Variants in RUFY2 observed in about 807,000 individuals in gnomAD.
RUFY2 encodes the protein RUN and FYVE domain-containing protein 2.
A neutral mutation model predicts 94.4 loss-of-function variants in RUFY2; 49 were observed. The observed-to-expected ratio is 0.52, with a 90% CI of 0.41 to 0.66. The LOEUF (loss-of-function observed/expected upper bound fraction) is 0.66. Among genes scored for constraint, RUFY2 ranks in the 30% least tolerant of loss-of-function variants. The probability of loss-of-function intolerance (pLI) is 0.00; values close to 1 mark genes in which losing one functional copy is unlikely to be tolerated. For missense variants in RUFY2, 541 were observed against 692.8 expected, an observed-to-expected ratio of 0.78 and a Z score of 2.46; for synonymous variants, 255 against 235.7, an observed-to-expected ratio of 1.08 and a Z score of -0.75.
chr10:68,371,492 T>C (rs2048277268), intron 13 of RUFY2, among the ~76,000 whole-genome samples: 1 of 150,338 alleles, frequency 6.7e-6, no homozygotes. Flanking sequence ...CCCAGGAGAC[T>C]GAGGCAGAAG....
chr10:68,404,789 C>T lies in RUFY2; in HGVS notation c.60G>A (p.Leu20=). 6.2e-7 allele frequency: 1 copy of T among 1,612,992 alleles called. No individual in the cohort carries two copies. Among genetic ancestry groups the T allele is most frequent in the Middle Eastern group, 1.6e-4 (1 of 6,062 alleles). ...CAGATTCAATGAGTCCTTTGATACTCAGTTTAGCCATGTTTAACAAGTTTG... is the reference window on the plus strand; with the variant it reads ...CAGATTCAATGAGTCCTTTGATACTTAGTTTAGCCATGTTTAACAAGTTTG... ...ERANLLNMAK[L]SIKGLIESAL... The change falls in exon 2 of 18, where the codon CTG becomes CTA. Residue 20 remains leucine (L), a synonymous_variant. Transcript: ENST00000602465.
intron 3 of RUFY2, among the ~76,000 whole-genome samples, chr10:68,399,188 C>T (rs2050629116): frequency 6.6e-6 from 1 of 152,028 alleles, no homozygotes. Flanking sequence ...GGACTATAGG[C>T]GTGCACCACC....
At position 68,344,130 on chromosome 10, in the gene RUFY2, G is replaced by A. The variant is rs562463568; in HGVS notation, c.*1638C>T. 32 of 152,278 alleles carry A rather than the reference G, an allele frequency of 2.1e-4. 1 individual carries two copies. The East Asian group carries it at 3.7e-3, about 17-fold the overall frequency. The allele number at this position is 152,278 out of a possible 1,614,324, so 9.4% of individuals were successfully genotyped here. ...TTCAAGAAAGACCATCTAGAAATCTGTGTCACATCTGACACCTCAAAAGCT... is the reference window on the plus strand; with the variant it reads ...TTCAAGAAAGACCATCTAGAAATCTATGTCACATCTGACACCTCAAAAGCT... On this transcript the variant is annotated 3_prime_UTR_variant, in exon 18 of 18. Coordinates refer to ENST00000602465, the MANE Select transcript of RUFY2 (RefSeq NM_001330103.2).
intron 10 of RUFY2, 115 bp from the exon 11 acceptor site, chr10:68,381,514 G>C (rs1589907354): frequency 2.1e-6 from 2 of 938,966 alleles, no homozygotes; most frequent in East Asian, 5.0e-5. Context: ...GTCCACTAAA[G>C]GGAATCAACC....
rs777938955 is a variant in RUFY2 at position 68,355,372 on chromosome 10, T to G, written c.1580A>C (p.Glu527Ala). 9 of 1,611,502 alleles carry G rather than the reference T, an allele frequency of 5.6e-6. No individual in the cohort carries two copies. The East Asian group carries it at 1.8e-4, about 32-fold the overall frequency. The stretch of plus-strand genomic sequence containing the variant: ...ACTCACCTGCAATGCTTTGTTGGCT[T>G]CTTTTATGTCTTCAATTTTAAGTTT... ...ESKLKIEDIK[E>A]ANKALQGLVW... Residue 527 changes from glutamate to alanine, a missense_variant, in exon 16 of 18, where the codon GAA (glutamate) becomes GCA (alanine). Coordinates refer to ENST00000602465, the MANE Select transcript of RUFY2 (RefSeq NM_001330103.2).
rs142707120 is a variant in RUFY2 at position 68,395,795 on chromosome 10, T to C, written c.398+985A>G. 5.8e-4 allele frequency among the ~76,000 whole-genome samples: 88 copies of C among 152,318 alleles called. 2 individuals are homozygous for C. The East Asian group carries it at 0.013, about 22-fold the overall frequency. On this transcript the variant is annotated intron_variant, in intron 4 of 17. Coordinates refer to ENST00000602465, the MANE Select transcript of RUFY2 (RefSeq NM_001330103.2). Reference sequence around the variant, plus strand: ...TGAGAAGCCATGGGTGCTTAACATATGGTCATTCTCGTTTAACAACTGGGA... The same window carrying C: ...TGAGAAGCCATGGGTGCTTAACATACGGTCATTCTCGTTTAACAACTGGGA...
chr10:68,344,361 A>G lies in RUFY2; in HGVS notation c.*1407T>C, dbSNP rs563902909. On this transcript the variant is annotated 3_prime_UTR_variant, in exon 18 of 18. Transcript: ENST00000602465. ...AATGCTCTTAATCCATAAATTTTCT[A>G]TGTATTTTTTATAGGCTCACAAACT... 3 of 152,190 alleles carry G rather than the reference A, an allele frequency of 2.0e-5. No individual in the cohort carries two copies. Among genetic ancestry groups the G allele is most frequent in the African/African-American group, 4.8e-5 (2 of 41,438 alleles). The allele number at this position is 152,190 out of a possible 1,614,324, so 9.4% of individuals were successfully genotyped here.
rs1157128504 is a variant in RUFY2 at position 68,364,065 on chromosome 10, A to G, written c.1374T>C (p.Thr458=). Residue 458 remains threonine (T), a synonymous_variant, in exon 14 of 18, where the codon ACT becomes ACC. Transcript: ENST00000602465. The part of the protein sequence containing the change: ...DLKIEKEWRQ[T]LQEDLQKEKD... ...TCTCCTTTTGAAGATCTTCCTGCAA[A>G]GTCTGCCTCCATTCCTTCTCAATCT... 4 of 1,613,410 alleles carry G rather than the reference A, an allele frequency of 2.5e-6. No homozygotes were observed. The highest frequency in any genetic ancestry group is 2.5e-6 in the Non-Finnish European group (3 of 1,179,580).
intron 6 of RUFY2, chr10:68,393,846 C>T (rs1054789072): frequency 1.2e-6 from 1 of 815,022 alleles, no homozygotes; most frequent in Non-Finnish European, 1.7e-6. Context: ...TCAGTAACTA[C>T]AGGTATAACC....
chr10:68,383,716 G>A, intron 10 of RUFY2, 82 bp downstream of exon 10: 2 of 1,008,286 alleles, frequency 2.0e-6, no homozygotes, highest in Non-Finnish European at 3.1e-6. Flanking sequence ...GGATAAGGCT[G>A]AAAAAGATTT....
intron 13 of RUFY2, among the ~76,000 whole-genome samples, chr10:68,368,697 G>C (rs543735719): frequency 2.0e-4 from 31 of 152,104 alleles, no homozygotes; most frequent in Non-Finnish European, 3.8e-4. Flanking sequence ...AGAAAGTAAA[G>C]AGAAGAAGTT....
chr10:68,370,929 G>A (rs547872826), intron 13 of RUFY2, among the ~76,000 whole-genome samples: 5 of 151,846 alleles, frequency 3.3e-5, no homozygotes, highest in East Asian at 3.9e-4. Flanking sequence ...TCAAGAGATC[G>A]AGACCATCCT....
At position 68,384,060 on chromosome 10, in the gene RUFY2, C is replaced by T. The variant is rs1205910787; in HGVS notation, c.813G>A (p.Gln271=). 1 of 1,612,164 alleles carries T rather than the reference C, an allele frequency of 6.2e-7. No individual in the cohort carries two copies. Among genetic ancestry groups the T allele is most frequent in the Admixed American group, 1.7e-5 (1 of 59,878 alleles). Reference sequence around the variant, plus strand: ...AGCAGTCTATACTTACCTCTAGGTGCTGCTGTGTTTTCATTAAAATCAATT... The same window carrying T: ...AGCAGTCTATACTTACCTCTAGGTGTTGCTGTGTTTTCATTAAAATCAATT... ...ENKLILMKTQ[Q]HLEVTKVDVE... Residue 271 remains glutamine (Q), a synonymous_variant, in exon 9 of 18, where the codon CAG becomes CAA. Transcript: ENST00000602465.
intron 1 of RUFY2, chr10:68,406,757 G>C: frequency 4.3e-6 from 7 of 1,609,886 alleles, no homozygotes; most frequent in Non-Finnish European, 5.9e-6. Flanking sequence ...GGCTCACCCA[G>C]GCTCCTGCGC....
Position 68,407,268 on chromosome 10 carries a change from C to T in RUFY2, c.-79G>A, listed in dbSNP as rs1259900542. The T allele has an allele frequency of 8.2e-7, 1 of 1,219,148 alleles. No individual in the cohort carries two copies. The highest frequency in any genetic ancestry group is 1.6e-5 in the African/African-American group (1 of 63,006). The allele number at this position is 1,219,148 out of a possible 1,614,324, so 75.5% of individuals were successfully genotyped here. A position where few individuals can be genotyped will look rare whatever the true frequency, so the allele number is the denominator to read the frequency against. ...CTCCTTCCAGGCGCTCGGCGGCCAC[C>T]ACCGCATCTGCAGCCAGGCCCGCTG... On this transcript the variant is annotated 5_prime_UTR_variant, in exon 1 of 18. The change creates a premature stop within an existing upstream ORF in the 5' untranslated region. Coordinates refer to ENST00000602465, the MANE Select transcript of RUFY2 (RefSeq NM_001330103.2).
intron 2 of RUFY2, among the ~76,000 whole-genome samples, chr10:68,403,577 C>G (rs1191404669): frequency 6.6e-6 from 1 of 152,102 alleles, no homozygotes; most frequent in Non-Finnish European, 1.5e-5. Flanking sequence ...TGAATAAAAA[C>G]CATGTTTTGC....
At position 68,401,755 on chromosome 10, in the gene RUFY2, T is replaced by C. The variant is rs748198956; in HGVS notation, c.179-18A>G. ...TTTTCTTACTGAAAAAAAGAACACA[T>C]AATGCACACAATGTCAACATAAAAA... On this transcript the variant is annotated intron_variant, in intron 2 of 17. Coordinates refer to ENST00000602465, the MANE Select transcript of RUFY2 (RefSeq NM_001330103.2). The C allele has an allele frequency of 2.9e-6, 4 of 1,385,406 alleles. No individual in the cohort carries two copies. In the South Asian group the frequency reaches 3.5e-5, roughly 12 times the overall value. The allele number at this position is 1,385,406 out of a possible 1,614,324, so 85.8% of individuals were successfully genotyped here.
chr10:68,405,819 A>G (rs2051250954), intron 1 of RUFY2: 2 of 500,090 alleles, frequency 4.0e-6, no homozygotes, highest in Non-Finnish European at 5.2e-6. Context: ...AATGTTCCTC[A>G]CCCATCCACA....
Position 68,391,197 on chromosome 10 carries a change from A to G in RUFY2, c.650+1941T>C, listed in dbSNP as rs2049956356. On this transcript the variant is annotated intron_variant, in intron 7 of 17. Transcript: ENST00000602465. ...GTGATCCACATGCCTCGGCCTCCCA[A>G]AGTGCTGGGATTACAGGAGTGAGAC... is the stretch of plus-strand genomic sequence containing the variant. 3.3e-5 allele frequency among the ~76,000 whole-genome samples: 5 copies of G among 152,038 alleles called. No individual in the cohort carries two copies. The South Asian group carries it at 1.0e-3, about 32-fold the overall frequency.
Sources: gnomAD v4.1 joint callset for allele counts (sites outside exome capture counted in the v4.1 genomes callset) on GRCh38, gnomAD v4.1.1 for gene constraint, MANE v1.5 for transcripts, NCBI Gene and HGNC (gene_info 2026-07-23, HGNC 2026-07-21) for gene names.